Variants in DMD observed in about 807,000 individuals in gnomAD.
The protein encoded by DMD is dystrophin, also known as mutant dystrophin.
Under a neutral mutation model 330.1 loss-of-function variants are expected in DMD, and 63 were observed. The observed-to-expected ratio is 0.19, with a 90% CI of 0.16 to 0.24. The LOEUF (loss-of-function observed/expected upper bound fraction) is 0.24. DMD is among the 10% of genes least tolerant of loss of function. The pLI is 1.00. For missense variants in DMD, 3,344 were observed against 2,684.1 expected (o/e 1.25, Z -5.43); for synonymous variants, 1,223 against 959.8 (o/e 1.27, Z -5.07).
At chrX:32,583,487 G>A (rs983619841) in intron 13 of DMD, among the ~76,000 whole-genome samples, 2 of 111,202 alleles carry the variant, frequency 1.8e-5, no homozygotes, top group Non-Finnish European at 3.8e-5. Context: ...TAGAAACAGC[G>A]AAACTCCATC....
chrX:31,768,091 C>T (rs182046906), intron 51 of DMD, among the ~76,000 whole-genome samples: 147 of 111,533 alleles, frequency 1.3e-3, no homozygotes, highest in African/African-American at 4.7e-3. Context: ...CCTTTGCCAA[C>T]TCAATTCTTT....
intron 12 of DMD, among the ~76,000 whole-genome samples, chrX:32,599,356 T>C (rs757221337): frequency 2.7e-5 from 3 of 111,903 alleles, no homozygotes; most frequent in Non-Finnish European, 3.8e-5. Flanking sequence ...TAGGAATCCA[T>C]GAATAAAGGC....
rs1422679507 is a variant in DMD, at chrX:31,449,795, T to TAG, written c.8938-5169_8938-5168insCT. On this transcript the variant is annotated intron_variant, in intron 59 of 78. Coordinates refer to ENST00000357033, the MANE Select transcript of DMD (RefSeq NM_004006.3). The stretch of plus-strand genomic sequence containing the variant: ...ATATATATATATATATATATATATA[T>TAG]ATAGATAGATAGATAGATAGAAATC... 4.9e-3 allele frequency among the ~76,000 whole-genome samples: 402 copies of TAG among 81,228 alleles called. 3 individuals carry two copies. The highest frequency in any genetic ancestry group is 7.5e-3 in the African/African-American group (151 of 20,264). The allele number at this position is 81,228 out of a possible 115,157, so 70.5% of individuals were successfully genotyped here. A position where few individuals can be genotyped will look rare whatever the true frequency, so the allele number is the denominator to read the frequency against.
intron 63 of DMD, among the ~76,000 whole-genome samples, chrX:31,226,129 C>A (rs12839806): frequency 8.1e-5 from 9 of 111,165 alleles, no homozygotes; most frequent in Non-Finnish European, 1.7e-4. Context: ...ATGAGAAATG[C>A]AGAATCTCAG....
At chrX:32,866,750 G>C (rs201256613) in intron 2 of DMD, among the ~76,000 whole-genome samples, 2 of 88,124 alleles carry the variant, frequency 2.3e-5, no homozygotes, top group Admixed American at 1.2e-4. Context: ...GGTGGGGGGG[G>C]GGGGACAGAG....
intron 54 of DMD, among the ~76,000 whole-genome samples, chrX:31,635,496 G>A (rs1029600513): frequency 1.2e-4 from 13 of 111,677 alleles, no homozygotes; most frequent in African/African-American, 4.2e-4. Context: ...GTTAGTTGTT[G>A]ATACATAATA....
chrX:32,252,663 A>T (rs1478635030), intron 43 of DMD, among the ~76,000 whole-genome samples: 6 of 40,327 alleles, frequency 1.5e-4, no homozygotes, highest in East Asian at 3.6e-3. Context: ...CAAATATATA[A>T]ATATATATAT....
intron 9 of DMD, among the ~76,000 whole-genome samples, chrX:32,683,317 C>A (rs910775246): frequency 9.0e-6 from 1 of 110,722 alleles, no homozygotes; most frequent in Non-Finnish European, 1.9e-5. Context: ...GATTATAAAT[C>A]ATGCTGCTAT....
chrX:33,110,250 C>G (rs940524898), intron 1 of DMD, among the ~76,000 whole-genome samples: 1 of 111,017 alleles, frequency 9.0e-6, no homozygotes, highest in Admixed American at 9.7e-5. Flanking sequence ...TATGTACTTG[C>G]CTGTGTCTCT....
intron 43 of DMD, among the ~76,000 whole-genome samples, chrX:32,284,499 C>T (rs752669137): frequency 2.1e-4 from 24 of 111,879 alleles, no homozygotes; most frequent in Non-Finnish European, 2.1e-4. Flanking sequence ...ACTATCAGAA[C>T]CATAAGATCA....
Position 32,816,587 on chromosome X carries a change from T to C in DMD, c.411A>G (p.Glu137=), listed in dbSNP as rs756856580. The C allele has an allele frequency of 8.3e-7, 1 of 1,211,823 alleles. No homozygotes were observed. Among genetic ancestry groups the C allele is most frequent in the Admixed American group, 2.2e-5 (1 of 46,039 alleles). Residue 137 remains glutamate, a synonymous_variant, in exon 6 of 79, where the codon GAA becomes GAG. Transcript: ENST00000357033. ...IMAGLQQTNS[E]KILLSWVRQS... Reference sequence around the variant, plus strand: ...GTCGGACCCAGCTCAGGAGAATCTTTTCACTGTTGGTTTGTTGCAATCCAG... The same window carrying C: ...GTCGGACCCAGCTCAGGAGAATCTTCTCACTGTTGGTTTGTTGCAATCCAG...
At chrX:32,310,348 T>C (rs2097557476) in intron 41 of DMD, 72 bp from the exon 42 acceptor site, 3 of 853,612 alleles carry the variant, frequency 3.5e-6, no homozygotes, top group African/African-American at 4.0e-5. Flanking sequence ...TAAGTTTATA[T>C]AGGTCTCATT....
At chrX:32,162,918 T>C in intron 44 of DMD, among the ~76,000 whole-genome samples, 1 of 110,263 alleles carries the variant, frequency 9.1e-6, no homozygotes, top group African/African-American at 3.3e-5. Context: ...CAAGGGGACT[T>C]GAATTTGAAT....
chrX:32,373,167 T>C (rs1436779794), intron 34 of DMD, among the ~76,000 whole-genome samples: 2 of 108,661 alleles, frequency 1.8e-5, no homozygotes, highest in Admixed American at 9.8e-5. Context: ...GGGCTATGCA[T>C]TCTAGTATCT....
chrX:32,327,540 T>C (rs1217545067), intron 41 of DMD, among the ~76,000 whole-genome samples: 1 of 111,693 alleles, frequency 9.0e-6, no homozygotes, highest in East Asian at 2.8e-4. Flanking sequence ...TAATAGTCAC[T>C]GAAGAAAACC....
intron 7 of DMD, among the ~76,000 whole-genome samples, chrX:32,807,145 AAAAAC>A (rs2077015167): frequency 9.6e-6 from 1 of 104,189 alleles, no homozygotes; most frequent in African/African-American, 3.6e-5. Context: ...AAAAAAAAAA[AAAAAC>A]ATCAACAAAT....
At chrX:32,314,719 T>C (rs2097576976) in intron 41 of DMD, among the ~76,000 whole-genome samples, 1 of 111,257 alleles carries the variant, frequency 9.0e-6, no homozygotes, top group Admixed American at 9.6e-5. Flanking sequence ...CATCAGAAAG[T>C]GGGCAAAGGA....
chrX:31,432,562 G>C (rs764142371), intron 60 of DMD, among the ~76,000 whole-genome samples: 2 of 112,274 alleles, frequency 1.8e-5, no homozygotes, highest in East Asian at 5.6e-4. Flanking sequence ...AGACAGGTGG[G>C]ATTTGGATAA....
At chrX:31,130,625 A>G (rs1460385160) in intron 77 of DMD, among the ~76,000 whole-genome samples, 3 of 112,243 alleles carry the variant, frequency 2.7e-5, no homozygotes, top group Non-Finnish European at 5.6e-5. Flanking sequence ...TTTATCACTA[A>G]ATGGAGAAGC....
Sources: allele counts gnomAD v4.1 joint callset (sites outside exome capture counted in the v4.1 genomes callset), GRCh38; gene constraint gnomAD v4.1.1; transcripts MANE v1.5; gene names NCBI Gene and HGNC (gene_info 2026-07-23, HGNC 2026-07-21).